The following ITGAX variants were observed in gnomAD, a reference collection of about 807,000 sequenced individuals.
ITGAX encodes integrin alpha-X.
Under a neutral mutation model 140.2 loss-of-function variants are expected in ITGAX, and 99 were observed. The ratio of observed to expected loss-of-function variants is 0.71; its 90% CI spans 0.60 to 0.83. ITGAX has a LOEUF of 0.83. Among genes scored for constraint, ITGAX ranks in the 40% least tolerant of loss-of-function variants. The pLI, the probability that ITGAX is intolerant of heterozygous loss-of-function variation, is 0.00. For synonymous variants in ITGAX, 631 were observed against 600.4 expected (o/e 1.05, Z -0.75); for missense variants, 1,444 against 1,482.0 (o/e 0.97, Z 0.42).
In ITGAX at chr16:31,380,524, T is replaced by C. The variant is rs200993599; in HGVS notation, c.3176T>C (p.Ile1059Thr). 25 of 1,614,068 alleles carry C rather than the reference T, an allele frequency of 1.5e-5. 1 individual carries two copies. In the Admixed American group the frequency reaches 2.0e-4, roughly 13 times the overall value. Residue 1059 changes from isoleucine (I) to threonine (T), a missense_variant and splice_region_variant, in exon 28 of 30, where the codon ATA becomes ACA. Ile to Thr is a moderately conservative substitution (Grantham distance 89, BLOSUM62 -1). Coordinates refer to ENST00000268296, the MANE Select transcript of ITGAX (RefSeq NM_000887.5). The part of the protein sequence containing the change: ...GNLSFGWVRQ[I>T]LQKKVSVVSV... ...AGGTTTCCCCCAACCCCTTTGCAGA[T>C]ATTGCAGAAGAAGGTGTCGGTCGTG...
At chr16:31,362,810 GA>G in intron 12 of ITGAX, 57 bp downstream of exon 12, 3 of 1,610,422 alleles carry the variant, frequency 1.9e-6, no homozygotes, top group Non-Finnish European at 2.5e-6. Flanking sequence ...GGCTGGGGCA[GA>G]GGAGAGGATG....
At position 31,380,513 on chromosome 16, in the gene ITGAX, C is replaced by A; in HGVS notation, c.3175-10C>A. On this transcript the variant is annotated splice_polypyrimidine_tract_variant and intron_variant, in intron 27 of 29. Coordinates refer to ENST00000268296, the MANE Select transcript of ITGAX (RefSeq NM_000887.5). ...GCCAGTTCAACAGGTTTCCCCCAAC[C>A]CCTTTGCAGATATTGCAGAAGAAGG... 1 of 1,614,218 alleles carries A rather than the reference C, an allele frequency of 6.2e-7. No homozygotes were observed. Among genetic ancestry groups the A allele is most frequent in the East Asian group, 2.2e-5 (1 of 44,892 alleles).
chr16:31,361,775 T>C, intron 9 of ITGAX, 61 bp from the exon 10 acceptor site: 1 of 1,545,570 alleles, frequency 6.5e-7, no homozygotes, highest in East Asian at 2.3e-5. Context: ...AGCTGAAGTG[T>C]TCTTGGACCT....
chr16:31,359,862 G>T, intron 6 of ITGAX, 32 bp downstream of exon 6: 1 of 1,614,044 alleles, frequency 6.2e-7, no homozygotes, highest in Non-Finnish European at 8.5e-7. Flanking sequence ...GCTGCTGGGG[G>T]TGGGTGCTTC....
rs2142535801 is a variant in ITGAX at position 31,382,187 on chromosome 16, C to A, written c.*280C>A. Reference sequence around the variant, plus strand: ...ATGGACAATACCCCCAGGCCTCAGTCTCCCTTCTCCCATGAGGCACGAATG... The same window carrying A: ...ATGGACAATACCCCCAGGCCTCAGTATCCCTTCTCCCATGAGGCACGAATG... On this transcript the variant is annotated 3_prime_UTR_variant, in exon 30 of 30. Coordinates refer to ENST00000268296, the MANE Select transcript of ITGAX (RefSeq NM_000887.5). 2 of 1,403,464 alleles carry A rather than the reference C, an allele frequency of 1.4e-6. No homozygotes were observed. The highest frequency in any genetic ancestry group is 1.8e-6 in the Non-Finnish European group (2 of 1,085,004). The allele number at this position is 1,403,464 out of a possible 1,614,324, so 86.9% of individuals were successfully genotyped here.
At position 31,361,099 on chromosome 16, in the gene ITGAX, G is replaced by T. The variant is rs1490981739; in HGVS notation, c.898G>T (p.Glu300Ter). ...LAFQNRNSWKELNDIASKPSQ... is the reference protein window; with the variant it reads ...LAFQNRNSWK ...TTTTCAAAACAGAAATTCTTGGAAA[G>T]AATTAAATGACATTGCATCGAAGCC... The change falls in exon 9 of 30, where the codon GAA becomes TAA. Residue 300 changes from glutamate to a stop codon, truncating the protein, a stop_gained. Transcript: ENST00000268296. LOFTEE classifies it high-confidence loss of function. 2 of 1,613,266 alleles carry T rather than the reference G, an allele frequency of 1.2e-6. No homozygotes were observed. The highest frequency in any genetic ancestry group is 2.2e-5 in the East Asian group (1 of 44,890).
rs1331616513 is a variant in ITGAX, at chr16:31,360,095, C to T, written c.707+30C>T. 5.6e-6 allele frequency: 9 copies of T among 1,605,026 alleles called. No homozygotes were observed. The South Asian group carries it at 9.9e-5, about 18-fold the overall frequency. On this transcript the variant is annotated intron_variant, in intron 7 of 29. Coordinates refer to ENST00000268296, the MANE Select transcript of ITGAX (RefSeq NM_000887.5). Reference sequence around the variant, plus strand: ...GTCCTGATTTCTTCCAGGCACAGTCCCAAAGCACCCAGGTCTTCCCTTGGG... The same window carrying T: ...GTCCTGATTTCTTCCAGGCACAGTCTCAAAGCACCCAGGTCTTCCCTTGGG...
At chr16:31,372,261 G>T in intron 17 of ITGAX, 117 bp from the exon 18 acceptor site, 1 of 1,206,218 alleles carries the variant, frequency 8.3e-7, no homozygotes, top group Non-Finnish European at 1.2e-6. Flanking sequence ...AGCAGGCTCT[G>T]GAGGAAGCTG....
intron 14 of ITGAX, chr16:31,370,111 A>G (rs968788615): frequency 2.6e-5 from 4 of 152,126 alleles, no homozygotes; most frequent in Admixed American, 1.3e-4. Flanking sequence ...ATGTGCCATC[A>G]TGCCCAGCTA....
intron 20 of ITGAX, among the ~76,000 whole-genome samples, chr16:31,376,451 T>C (rs2081019789): frequency 1.3e-5 from 2 of 152,096 alleles, no homozygotes; most frequent in African/African-American, 4.8e-5. Context: ...CGAGGTCCCA[T>C]TTATAAAAAA....
intron 1 of ITGAX, 31 bp from the exon 2 acceptor site, chr16:31,355,862 C>T (rs762236934): frequency 1.3e-6 from 2 of 1,547,056 alleles, no homozygotes; most frequent in Non-Finnish European, 1.8e-6. Context: ...GAAGACCCTT[C>T]TCCAAAGCTC....
chr16:31,374,384 TAGC>T (rs2142521639), intron 20 of ITGAX, among the ~76,000 whole-genome samples: 1 of 152,346 alleles, frequency 6.6e-6, no homozygotes, highest in East Asian at 1.9e-4. Flanking sequence ...ATTCAACAAT[TAGC>T]AGCATTTTGC....
chr16:31,360,183 C>T, intron 7 of ITGAX, 118 bp downstream of exon 7: 1 of 1,517,132 alleles, frequency 6.6e-7, no homozygotes, highest in African/African-American at 1.4e-5. Context: ...GATACCCTTG[C>T]CAAGCTGGGG....
rs1224723780 is a variant in ITGAX, at chr16:31,362,027, G to C, written c.1087-48G>C. Reference sequence around the variant, plus strand: ...GGAAGGCATATCTCTGGTACATGCTGTCTTCCTGCTCCGGCCTCTGCTCAG... The same window carrying C: ...GGAAGGCATATCTCTGGTACATGCTCTCTTCCTGCTCCGGCCTCTGCTCAG... On this transcript the variant is annotated intron_variant, in intron 10 of 29. Coordinates refer to ENST00000268296, the MANE Select transcript of ITGAX (RefSeq NM_000887.5). The C allele has an allele frequency of 3.7e-6, 6 of 1,613,786 alleles. No individual in the cohort carries two copies. In the Admixed American group the frequency reaches 5.0e-5, roughly 13 times the overall value.
intron 23 of ITGAX, among the ~76,000 whole-genome samples, chr16:31,378,415 A>G (rs559123719): frequency 2.6e-5 from 4 of 151,564 alleles, no homozygotes; most frequent in African/African-American, 9.7e-5. Context: ...CATTGTACCG[A>G]CTACCCGGCC....
In ITGAX at chr16:31,363,167, G is replaced by A. The variant is rs552313404; in HGVS notation, c.1503G>A (p.Trp501Ter). 6.2e-7 allele frequency: 1 copy of A among 1,609,860 alleles called. No homozygotes were observed. Among genetic ancestry groups the A allele is most frequent in the East Asian group, 2.2e-5 (1 of 44,848 alleles). The change falls in exon 14 of 30, where the codon TGG becomes TGA. Residue 501 changes from tryptophan (W) to a stop codon, truncating the protein, a stop_gained and splice_region_variant. Coordinates refer to ENST00000268296, the MANE Select transcript of ITGAX (RefSeq NM_000887.5). LOFTEE classifies it high-confidence loss of function. The part of the protein sequence containing the change: ...QVSVCPLPRG[W>*]RRWWCDAVLY... Reference sequence around the variant, plus strand: ...CTGGCACTGCTTTTTTTCTGCAGTGGAGAAGGTGGTGGTGTGATGCTGTTC... The same window carrying A: ...CTGGCACTGCTTTTTTTCTGCAGTGAAGAAGGTGGTGGTGTGATGCTGTTC...
chr16:31,376,759 C>T (rs1234788242), intron 20 of ITGAX, 40 bp from the exon 21 acceptor site: 6 of 1,591,384 alleles, frequency 3.8e-6, no homozygotes, highest in African/African-American at 1.3e-5. Flanking sequence ...CCATTGCTTT[C>T]AATTTCAACT....
intron 26 of ITGAX, 81 bp downstream of exon 26, chr16:31,380,146 T>C: frequency 6.5e-7 from 1 of 1,545,046 alleles, no homozygotes; most frequent in Non-Finnish European, 8.9e-7. Context: ...TCCATATCCA[T>C]CCTGCTGAAG....
At chr16:31,357,147 G>C in intron 4 of ITGAX, 46 bp downstream of exon 4, 2 of 1,583,364 alleles carry the variant, frequency 1.3e-6, no homozygotes, top group Non-Finnish European at 8.6e-7. Context: ...AGGGAGGGAG[G>C]AGCCGGGGCC....
Sources: gnomAD v4.1 joint callset for allele counts (sites outside exome capture counted in the v4.1 genomes callset) on GRCh38, gnomAD v4.1.1 for gene constraint, MANE v1.5 for transcripts, NCBI Gene and HGNC (gene_info 2026-07-23, HGNC 2026-07-21) for gene names.